Variants in RIMS1 observed in about 807,000 individuals in gnomAD.
The protein encoded by RIMS1 is regulating synaptic membrane exocytosis 1.
Under a neutral mutation model 214.1 loss-of-function variants are expected in RIMS1, and 83 were observed. That is an observed-to-expected ratio of 0.39 (90% CI 0.32 to 0.47). RIMS1 has a LOEUF of 0.47. Among genes scored for constraint, RIMS1 ranks in the 20% least tolerant of loss-of-function variants. The probability of loss-of-function intolerance (pLI) is 0.99; values close to 1 mark genes in which losing one functional copy is unlikely to be tolerated. For synonymous variants in RIMS1, 793 were observed against 786.8 expected (o/e 1.01, Z -0.13); for missense variants, 2,050 against 2,161.8 (o/e 0.95, Z 1.03).
Position 72,182,660 on chromosome 6 carries a change from C to T in RIMS1, c.1189C>T (p.Arg397Cys), listed in dbSNP as rs2048538281. The T allele has an allele frequency of 6.8e-7, 1 of 1,468,092 alleles. No homozygotes were observed. The highest frequency in any genetic ancestry group is 9.0e-7 in the Non-Finnish European group (1 of 1,114,448). The allele number at this position is 1,468,092 out of a possible 1,614,324, so 90.9% of individuals were successfully genotyped here. A position where few individuals can be genotyped will look rare whatever the true frequency, so the allele number is the denominator to read the frequency against. ...GCGCCACAGCGACGTGGCGCTCCCG[C>T]GCACCGAGGCGGGCGCGGCGCTGCC... Reference protein sequence around the residue: ...ERRHSDVALPRTEAGAALPEG... With the variant: ...ERRHSDVALPCTEAGAALPEG... Residue 397 changes from arginine to cysteine, a missense_variant, in exon 6 of 34, where the codon CGC (arginine) becomes TGC (cysteine). By Grantham distance (180) the Arg-to-Cys change is radical. Around this residue, in one of 6 missense-constraint regions of RIMS1, gnomAD observed 882 missense variants for 828.9 expected, o/e 1.06. Coordinates refer to ENST00000521978, the MANE Select transcript of RIMS1 (RefSeq NM_014989.7).
intron 10 of RIMS1, among the ~76,000 whole-genome samples, chr6:72,243,249 G>A (rs771416369): frequency 3.3e-5 from 5 of 151,536 alleles, no homozygotes; most frequent in Non-Finnish European, 7.4e-5. Flanking sequence ...TTGAAAAAAT[G>A]CTAACCTTTA....
chr6:71,931,260 T>G (rs942949848), intron 1 of RIMS1, among the ~76,000 whole-genome samples: 2 of 152,030 alleles, frequency 1.3e-5, no homozygotes, highest in Admixed American at 1.3e-4. Context: ...AACTCTAATT[T>G]ACATATGCTT....
chr6:72,284,686 CTT>C (rs11358323), intron 24 of RIMS1, among the ~76,000 whole-genome samples: 9 of 151,824 alleles, frequency 5.9e-5, no homozygotes, highest in South Asian at 2.1e-4. Context: ...CATATTGACA[CTT>C]TTTTTTTTAA....
At chr6:71,888,869 TA>T (rs1233183759) in intron 1 of RIMS1, among the ~76,000 whole-genome samples, 1 of 152,234 alleles carries the variant, frequency 6.6e-6, no homozygotes, top group Non-Finnish European at 1.5e-5. Flanking sequence ...GAACCCTCGT[TA>T]ATCTGCTGCC....
intron 2 of RIMS1, among the ~76,000 whole-genome samples, chr6:72,034,614 T>A (rs1819068945): frequency 6.6e-6 from 1 of 151,994 alleles, no homozygotes; most frequent in Non-Finnish European, 1.5e-5. Context: ...TGAGCTATTA[T>A]CAAGCAGATA....
At chr6:72,040,234 C>T (rs1360201637) in intron 2 of RIMS1, among the ~76,000 whole-genome samples, 2 of 152,016 alleles carry the variant, frequency 1.3e-5, no homozygotes, top group African/African-American at 4.8e-5. Flanking sequence ...CCCATTTTCC[C>T]TTATGCATGA....
chr6:71,963,481 A>C (rs972474041), intron 1 of RIMS1, among the ~76,000 whole-genome samples: 1 of 152,164 alleles, frequency 6.6e-6, no homozygotes, highest in South Asian at 2.1e-4. Context: ...TCAGAAAAAG[A>C]GGATTAATTT....
intron 33 of RIMS1, among the ~76,000 whole-genome samples, chr6:72,399,324 C>A (rs573839775): frequency 1.2e-3 from 181 of 151,962 alleles, no homozygotes; most frequent in African/African-American, 4.1e-3. Context: ...CTCTTCTTGT[C>A]TTTTCTCTCT....
intron 4 of RIMS1, among the ~76,000 whole-genome samples, chr6:72,177,299 T>A (rs988149258): frequency 2.0e-5 from 3 of 152,236 alleles, no homozygotes; most frequent in African/African-American, 7.2e-5. Flanking sequence ...TCGTCCAGGC[T>A]GGAGAACAGT....
intron 4 of RIMS1, among the ~76,000 whole-genome samples, chr6:72,138,547 G>A (rs560290097): frequency 6.6e-6 from 1 of 152,234 alleles, no homozygotes; most frequent in East Asian, 1.9e-4. Context: ...ACAGGAGAAA[G>A]CTGAGAAGGC....
At chr6:72,379,751 G>A (rs1195638011) in intron 29 of RIMS1, among the ~76,000 whole-genome samples, 1 of 152,148 alleles carries the variant, frequency 6.6e-6, no homozygotes, top group Non-Finnish European at 1.5e-5. Context: ...CATAGATGAG[G>A]AAACTAAGGT....
intron 30 of RIMS1, among the ~76,000 whole-genome samples, chr6:72,392,228 GTC>G (rs1011675180): frequency 6.6e-6 from 1 of 152,092 alleles, no homozygotes; most frequent in African/African-American, 2.4e-5. Context: ...CCAAATAAAA[GTC>G]TCAAATAATT....
intron 2 of RIMS1, among the ~76,000 whole-genome samples, chr6:72,023,924 A>C (rs1815531042): frequency 6.6e-6 from 1 of 152,148 alleles, no homozygotes; most frequent in Non-Finnish European, 1.5e-5. Context: ...ACTATACTGA[A>C]AATTTTTTGT....
intron 1 of RIMS1, among the ~76,000 whole-genome samples, chr6:71,963,312 C>T (rs1227789648): frequency 6.6e-6 from 1 of 152,084 alleles, no homozygotes; most frequent in African/African-American, 2.4e-5. Flanking sequence ...ATAATTTAAC[C>T]TCTTAGATCC....
chr6:72,274,056 G>T (rs1170621779), intron 22 of RIMS1, among the ~76,000 whole-genome samples: 1 of 152,062 alleles, frequency 6.6e-6, no homozygotes, highest in African/African-American at 2.4e-5. Flanking sequence ...GATTAAATAT[G>T]CACATAGAAG....
chr6:72,082,185 C>CTTAAT (rs1451572164), intron 2 of RIMS1, among the ~76,000 whole-genome samples: 3 of 152,156 alleles, frequency 2.0e-5, no homozygotes, highest in African/African-American at 7.2e-5. Context: ...AATCTGGATT[C>CTTAAT]AATCTATGTA....
chr6:71,948,217 G>A (rs1788458998), intron 1 of RIMS1, among the ~76,000 whole-genome samples: 1 of 152,086 alleles, frequency 6.6e-6, no homozygotes, highest in Non-Finnish European at 1.5e-5. Flanking sequence ...TAAATGCTGA[G>A]GATATCAGAT....
intron 12 of RIMS1, 108 bp downstream of exon 12, chr6:72,248,235 C>G: frequency 3.3e-6 from 2 of 603,654 alleles, no homozygotes; most frequent in Non-Finnish European, 6.0e-6. Flanking sequence ...AATACATAGT[C>G]ATTTAACACC....
intron 28 of RIMS1, among the ~76,000 whole-genome samples, chr6:72,333,109 A>G (rs1244033516): frequency 6.6e-6 from 1 of 151,878 alleles, no homozygotes; most frequent in Admixed American, 6.6e-5. Context: ...ATTAAGCAAG[A>G]TGTGTTAGTT....
Sources: gnomAD v4.1 joint callset for allele counts (sites outside exome capture counted in the v4.1 genomes callset) on GRCh38, gnomAD v4.1.1 for gene constraint, gnomAD v4.1.1 regional missense constraint, MANE v1.5 for transcripts, NCBI Gene and HGNC (gene_info 2026-07-23, HGNC 2026-07-21) for gene names.